Variants in GALNT16 observed in about 807,000 individuals in gnomAD.
GALNT16 encodes polypeptide N-acetylgalactosaminyltransferase 16.
A neutral mutation model predicts 76.1 loss-of-function variants in GALNT16; 40 were observed. That is an observed-to-expected ratio of 0.53 (90% CI 0.41 to 0.68). The LOEUF is 0.68. Among genes scored for constraint, GALNT16 ranks in the 30% least tolerant of loss-of-function variants. The pLI, the probability that GALNT16 is intolerant of heterozygous loss-of-function variation, is 0.00. For synonymous variants in GALNT16, 276 were observed against 285.2 expected, an observed-to-expected ratio of 0.97 and a Z score of 0.32; for missense variants, 621 against 731.9, an observed-to-expected ratio of 0.85 and a Z score of 1.75.
intron 1 of GALNT16, among the ~76,000 whole-genome samples, chr14:69,300,346 T>G (rs150122886): frequency 1.2e-4 from 18 of 152,284 alleles, no homozygotes; most frequent in Non-Finnish European, 2.4e-4. Flanking sequence ...ATGGAAACAC[T>G]GAGCAGCATC....
the GALNT16 span, among the ~76,000 whole-genome samples, chr14:69,377,951 A>G: frequency 2.6e-5 from 4 of 152,174 alleles, no homozygotes; most frequent in Non-Finnish European, 5.9e-5. Context: ...ATAAAGGAAG[A>G]CCATCCTGAT....
rs769773991 is a variant in GALNT16 at position 69,338,633 on chromosome 14, G to A, written c.968-18G>A. On this transcript the variant is annotated intron_variant, in intron 9 of 14. Transcript: ENST00000448469. ...CAAGGAACCCCTTCCTCCTCCTGAC[G>A]GCTACTATTTCCTGCAGAGCTCTCC... 12 of 1,609,308 alleles carry A rather than the reference G, an allele frequency of 7.5e-6. No homozygotes were observed. Among genetic ancestry groups the A allele is most frequent in the Middle Eastern group, 1.7e-4 (1 of 6,052 alleles).
the GALNT16 span, among the ~76,000 whole-genome samples, chr14:69,377,618 G>T: frequency 6.6e-6 from 1 of 151,706 alleles, no homozygotes; most frequent in South Asian, 2.1e-4. Flanking sequence ...ACCAGCCTGG[G>T]CAACATAAGG....
At chr14:69,305,227 G>A (rs920955621) in intron 1 of GALNT16, among the ~76,000 whole-genome samples, 30 of 137,796 alleles carry the variant, frequency 2.2e-4, no homozygotes, top group Admixed American at 2.2e-4. Flanking sequence ...GGGGTAGTGT[G>A]ATCTCGGCTC....
chr14:69,291,368 C>T (rs2044685183), intron 1 of GALNT16, among the ~76,000 whole-genome samples: 1 of 152,126 alleles, frequency 6.6e-6, no homozygotes, highest in African/African-American at 2.4e-5. Context: ...TAATAAGCCC[C>T]CCTCCCCGGC....
In GALNT16 at chr14:69,339,603, G is replaced by A. The variant is rs1484178197; in HGVS notation, c.1171G>A (p.Gly391Arg). ...YYYEARPSAIGKAFGSVATRI... is the reference protein window; with the variant it reads ...YYYEARPSAIRKAFGSVATRI... Reference sequence around the variant, plus strand: ...CTATGAGGCCCGGCCCTCGGCCATCGGGAAGGCCTTCGGCAGGTGGGCCCC... The same window carrying A: ...CTATGAGGCCCGGCCCTCGGCCATCAGGAAGGCCTTCGGCAGGTGGGCCCC... Residue 391 changes from glycine to arginine, a missense_variant, in exon 11 of 15, where the codon GGG (glycine) becomes AGG (arginine). Coordinates refer to ENST00000448469, the MANE Select transcript of GALNT16 (RefSeq NM_001168368.2). 3 of 1,604,748 alleles carry A rather than the reference G, an allele frequency of 1.9e-6. No individual in the cohort carries two copies. The highest frequency in any genetic ancestry group is 2.6e-6 in the Non-Finnish European group (3 of 1,174,108).
At chr14:69,345,707 T>TGTGTGTGTGTGTGTGA in intron 12 of GALNT16, among the ~76,000 whole-genome samples, 1 of 149,742 alleles carries the variant, frequency 6.7e-6, no homozygotes, top group African/African-American at 2.5e-5. Flanking sequence ...GGTGTCAGTG[T>TGTGTGTGTGTGTGTGA]GTGTGTGTGT....
intron 1 of GALNT16, among the ~76,000 whole-genome samples, chr14:69,287,273 C>G (rs1200821986): frequency 6.6e-6 from 1 of 152,220 alleles, no homozygotes; most frequent in Admixed American, 6.5e-5. Context: ...AGATAAAATC[C>G]CTGTTGGTTC....
At chr14:69,371,834 C>T in the GALNT16 span, among the ~76,000 whole-genome samples, 61 of 151,884 alleles carry the variant, frequency 4.0e-4, no homozygotes, top group Admixed American at 1.2e-3. Flanking sequence ...ATCCCAGCTA[C>T]TTGGGAGGCT....
chr14:69,334,780 TGAGG>T (rs971606726), intron 9 of GALNT16, among the ~76,000 whole-genome samples: 3 of 152,130 alleles, frequency 2.0e-5, no homozygotes, highest in Non-Finnish European at 4.4e-5. Context: ...CCTGTCTGCC[TGAGG>T]AAGGGAACCC....
intron 3 of GALNT16, 70 bp downstream of exon 3, chr14:69,324,860 GC>G: frequency 9.9e-7 from 1 of 1,007,540 alleles, no homozygotes; most frequent in Non-Finnish European, 1.5e-6. Context: ...GGGCGCTGTG[GC>G]CAGACAGCTT....
chr14:69,369,862 G>C, the GALNT16 span, among the ~76,000 whole-genome samples: 1 of 152,164 alleles, frequency 6.6e-6, no homozygotes, highest in Non-Finnish European at 1.5e-5. Context: ...ACCAGACTGG[G>C]GAAGATTGTA....
chr14:69,285,067 G>A (rs2044593137), intron 1 of GALNT16, among the ~76,000 whole-genome samples: 1 of 144,080 alleles, frequency 6.9e-6, no homozygotes, highest in Admixed American at 7.1e-5. Flanking sequence ...TTGAGACGGA[G>A]TGTCGCTCTT....
At chr14:69,318,795 A>G (rs1194439794) in intron 1 of GALNT16, among the ~76,000 whole-genome samples, 1 of 152,212 alleles carries the variant, frequency 6.6e-6, no homozygotes, top group Non-Finnish European at 1.5e-5. Flanking sequence ...TTTGCCATCA[A>G]CTGGAGGCTC....
intron 14 of GALNT16, chr14:69,348,390 T>C: frequency 2.6e-6 from 1 of 387,770 alleles, no homozygotes. Context: ...TGACGTGGGT[T>C]CTAGTACTAC....
At chr14:69,371,458 A>G in the GALNT16 span, among the ~76,000 whole-genome samples, 4 of 150,654 alleles carry the variant, frequency 2.7e-5, no homozygotes, top group Admixed American at 6.6e-5. Context: ...GGGTTTCACC[A>G]TGTCAGCCAG....
chr14:69,298,478 C>T (rs1032279950), intron 1 of GALNT16: 6 of 152,384 alleles, frequency 3.9e-5, no homozygotes, highest in Non-Finnish European at 8.8e-5. Flanking sequence ...TAGAACAATT[C>T]CAAATCTCTG....
intron 2 of GALNT16, among the ~76,000 whole-genome samples, chr14:69,322,310 C>T (rs1257990600): frequency 3.3e-5 from 5 of 152,232 alleles, no homozygotes; most frequent in Non-Finnish European, 7.3e-5. Flanking sequence ...GAAGAGGTTA[C>T]ATCCACATAG....
At chr14:69,384,604 C>T in the GALNT16 span, among the ~76,000 whole-genome samples, 1 of 152,066 alleles carries the variant, frequency 6.6e-6, no homozygotes, top group Non-Finnish European at 1.5e-5. Flanking sequence ...TTTATAAAAC[C>T]ATAAAGACAA....
Sources: gnomAD v4.1 joint callset for allele counts (sites outside exome capture counted in the v4.1 genomes callset) on GRCh38, gnomAD v4.1.1 for gene constraint, MANE v1.5 for transcripts, NCBI Gene and HGNC (gene_info 2026-07-23, HGNC 2026-07-21) for gene names.